FBRS: variants seen among roughly 807,000 people sequenced by gnomAD.
FBRS encodes fibrosin.
In FBRS, 15 loss-of-function variants were observed where a neutral mutation model predicts 86.1. The ratio of observed to expected loss-of-function variants is 0.17; its 90% confidence interval spans 0.12 to 0.27. FBRS has a LOEUF of 0.27. Ranked by LOEUF, FBRS falls within the 10% of genes least tolerant of loss-of-function variation. The probability of loss-of-function intolerance (pLI) is 1.00; values close to 1 mark genes in which losing one functional copy is unlikely to be tolerated. For missense variants in FBRS, 1,367 were observed against 1,301.6 expected (o/e 1.05, Z -0.77); for synonymous variants, 666 against 575.8 (o/e 1.16, Z -2.24).
Position 30,661,171 on chromosome 16 carries a change from C to T in FBRS, c.640-9C>T. 1 of 1,550,536 alleles carries T rather than the reference C, an allele frequency of 6.4e-7. No individual in the cohort carries two copies. The highest frequency in any genetic ancestry group is 2.0e-5 in the Admixed American group (1 of 50,986). ...GCCTCCCTCACCTCTGGACTCTGGT[C>T]TTCCTCAGGCGTCCTCCCGTCACTC... On this transcript the variant is annotated splice_polypyrimidine_tract_variant and intron_variant, in intron 2 of 17. Transcript: ENST00000356166.
Position 30,661,091 on chromosome 16 carries a change from G to GAGGC in FBRS, c.640-88_640-85dup, listed in dbSNP as rs1436905625. On this transcript the variant is annotated intron_variant, in intron 2 of 17. Coordinates refer to ENST00000356166, the MANE Select transcript of FBRS (RefSeq NM_001105079.3). ...AAGGAGAGGCTGAGAGTAGATCCTG[G>GAGGC]AGGCCCATGAGCGCCCTGCTGGGAG... The GAGGC allele has an allele frequency of 3.2e-6, 5 of 1,541,888 alleles. No individual in the cohort carries two copies. In the African/African-American group the frequency reaches 5.5e-5, roughly 17 times the overall value.
At chr16:30,661,003 G>A (rs1025024380) in intron 2 of FBRS, among the ~76,000 whole-genome samples, 177 bp from the exon 3 acceptor site, 1 of 152,176 alleles carries the variant, frequency 6.6e-6, no homozygotes, top group Non-Finnish European at 1.5e-5. Context: ...TGAGGACCCG[G>A]CGTATTTAGA....
chr16:30,670,402 T>A lies in FBRS; in HGVS notation c.*757T>A, dbSNP rs2052582933. The A allele has an allele frequency of 2.8e-6, 1 of 356,908 alleles. No individual in the cohort carries two copies. Among genetic ancestry groups the A allele is most frequent in the East Asian group, 7.8e-5 (1 of 12,756 alleles). 22.1% of individuals were successfully genotyped at this position (356,908 alleles called of 1,614,324 possible). On this transcript the variant is annotated 3_prime_UTR_variant, in exon 18 of 18. Coordinates refer to ENST00000356166, the MANE Select transcript of FBRS (RefSeq NM_001105079.3). The stretch of plus-strand genomic sequence containing the variant: ...TCCCCCAACATGTTCCCGTTCACTC[T>A]GCCCCCACCCCCAAAGGCTCAGCCT...
chr16:30,660,160 C>T (rs2052439260), intron 1 of FBRS, 103 bp from the exon 2 acceptor site: 2 of 1,410,794 alleles, frequency 1.4e-6, no homozygotes, highest in African/African-American at 3.0e-5. Flanking sequence ...CTCTGGGGAC[C>T]CGGTTTCCCG....
At position 30,669,231 on chromosome 16, in the gene FBRS, TGCCGCCGCC is replaced by T; in HGVS notation, c.2532_2540del (p.Ala847_Ala849del). The T allele has an allele frequency of 1.3e-6, 2 of 1,545,760 alleles. No individual in the cohort carries two copies. Among genetic ancestry groups the T allele is most frequent in the South Asian group, 1.2e-5 (1 of 84,636 alleles). On this transcript the variant is annotated inframe_deletion, in exon 18 of 18. Transcript: ENST00000356166. The surrounding 1 kb of genome is among the most constrained non-coding windows in gnomAD (Gnocchi z 5.9). ...CTGCCGCTGCTGCTGCCGCCGCCGC[TGCCGCCGCC>T]GCAGCAGCCACTGGGCCCCAGGGCC... is the stretch of plus-strand genomic sequence containing the variant.
rs2052563422 is a variant in FBRS, at chr16:30,669,206, C to T, written c.2504C>T (p.Ala835Val). Reference protein sequence around the residue: ...EERKEEAAAAAAAAAAAAAAA... With the variant: ...EERKEEAAAAVAAAAAAAAAA... ...CGGAAGGAGGAGGCTGCCGCCGCCG[C>T]TGCCGCTGCTGCTGCCGCCGCCGCT... is the stretch of plus-strand genomic sequence containing the variant. Residue 835 changes from alanine to valine, a missense_variant, in exon 18 of 18, where the codon GCT becomes GTT. Around this residue, in one of 3 missense-constraint regions of FBRS, gnomAD observed 659 missense variants for 678.8 expected, o/e 0.97. Coordinates refer to ENST00000356166, the MANE Select transcript of FBRS (RefSeq NM_001105079.3). This position sits in a 1 kb window ranked among gnomAD's most constrained non-coding sequence, Gnocchi z 5.9. 1 of 1,544,488 alleles carries T rather than the reference C, an allele frequency of 6.5e-7. No homozygotes were observed.
In FBRS at chr16:30,664,781, T is replaced by G; in HGVS notation, c.1424T>G (p.Val475Gly). 1.9e-6 allele frequency: 3 copies of G among 1,553,036 alleles called. No homozygotes were observed. In the South Asian group the frequency reaches 3.6e-5, roughly 18 times the overall value. Reference protein sequence around the residue: ...YLNAQGGPEVVGAGGSARPLA... With the variant: ...YLNAQGGPEVGGAGGSARPLA... ...AATGCCCAGGGTGGCCCTGAGGTGG[T>G]GGGGGCAGGGGGCTCGGCCCGGCCC... is the stretch of plus-strand genomic sequence containing the variant. Residue 475 changes from valine to glycine, a missense_variant, in exon 8 of 18, where the codon GTG becomes GGG. Around this residue, in one of 3 missense-constraint regions of FBRS, gnomAD observed 702 missense variants for 598.7 expected, o/e 1.17. Transcript: ENST00000356166.
In FBRS at chr16:30,668,854, G is replaced by A; in HGVS notation, c.2241G>A (p.Leu747=). ...CCCCACCGGACCCATGGGGCCGCCT[G>A]CACCGCAGTCCTCTGACCTTTCCTG... ...FASPPDPWGR[L]HRSPLTFPAW... Residue 747 remains leucine, a synonymous_variant, in exon 17 of 18, where the codon CTG becomes CTA. Transcript: ENST00000356166. 17 of 1,591,210 alleles carry A rather than the reference G, an allele frequency of 1.1e-5. No homozygotes were observed. The highest frequency in any genetic ancestry group is 1.4e-5 in the Non-Finnish European group (17 of 1,173,552).
chr16:30,669,970 C>A lies in FBRS; in HGVS notation c.*325C>A. On this transcript the variant is annotated 3_prime_UTR_variant, in exon 18 of 18. Coordinates refer to ENST00000356166, the MANE Select transcript of FBRS (RefSeq NM_001105079.3). The surrounding 1 kb of genome is among the most constrained non-coding windows in gnomAD (Gnocchi z 5.9). Reference sequence around the variant, plus strand: ...GGCCTCTAGGCCCTGGGCCTGCCTCCCCAAGGGCTCACTAAGCCAGAGGCC... The same window carrying A: ...GGCCTCTAGGCCCTGGGCCTGCCTCACCAAGGGCTCACTAAGCCAGAGGCC... 2 of 527,210 alleles carry A rather than the reference C, an allele frequency of 3.8e-6. No individual in the cohort carries two copies. Among genetic ancestry groups the A allele is most frequent in the Non-Finnish European group, 7.0e-6 (2 of 287,166 alleles). The allele number at this position is 527,210 out of a possible 1,614,324, so 32.7% of individuals were successfully genotyped here.
Position 30,664,277 on chromosome 16 carries a change from C to A in FBRS, c.1118C>A (p.Ser373Tyr). The A allele has an allele frequency of 6.7e-7, 1 of 1,490,446 alleles. No individual in the cohort carries two copies. Among genetic ancestry groups the A allele is most frequent in the Non-Finnish European group, 9.0e-7 (1 of 1,110,872 alleles). The allele number at this position is 1,490,446 out of a possible 1,614,324, so 92.3% of individuals were successfully genotyped here. A position where few individuals can be genotyped will look rare whatever the true frequency, so the allele number is the denominator to read the frequency against. The change falls in exon 7 of 18, where the codon TCC (serine) becomes TAC (tyrosine). Residue 373 changes from serine (S) to tyrosine (Y), a missense_variant. This residue lies in a region of FBRS where 702 missense variants were observed against 598.7 expected (regional missense o/e 1.17). Transcript: ENST00000356166. ...GTGGCTCAGCCTCCCCCCTCATCAT[C>A]CTCTTCGTCCTCCTCCTCCTCATCT... ...PPVAQPPPSS[S>Y]SSSSSSSSAS...
rs550605048 is a variant in FBRS at position 30,665,761 on chromosome 16, C to G, written c.1773+55C>G. 6.6e-6 allele frequency: 10 copies of G among 1,515,210 alleles called. No individual in the cohort carries two copies. The Admixed American group carries it at 1.4e-4, about 21-fold the overall frequency. 93.9% of individuals were successfully genotyped at this position (1,515,210 alleles called of 1,614,324 possible). A position where few individuals can be genotyped will look rare whatever the true frequency, so the allele number is the denominator to read the frequency against. ...GCTGGAAGGTGTGTTGCGGGGAGAA[C>G]AGAACTGACTTGAGGAGAGTGAACT... On this transcript the variant is annotated intron_variant, in intron 11 of 17. Coordinates refer to ENST00000356166, the MANE Select transcript of FBRS (RefSeq NM_001105079.3). The surrounding 1 kb of genome is among the most constrained non-coding windows in gnomAD (Gnocchi z 4.1).
Position 30,659,693 on chromosome 16 carries a change from TCGC to T in FBRS, c.186_188del (p.Pro63del), listed in dbSNP as rs778041190. 63 of 919,756 alleles carry T rather than the reference TCGC, an allele frequency of 6.8e-5. No individual in the cohort carries two copies. The highest frequency in any genetic ancestry group is 3.3e-4 in the Middle Eastern group (1 of 3,026). 57.0% of individuals were successfully genotyped at this position (919,756 alleles called of 1,614,324 possible). Reference sequence around the variant, plus strand: ...CCCGCGCGGCTCCTCGTCCTCGTCGTCGCCGCCGCCGCCCGCCAGGCCTTGGTC... The same window carrying T: ...CCCGCGCGGCTCCTCGTCCTCGTCGTCGCCGCCGCCCGCCAGGCCTTGGTC... On this transcript the variant is annotated inframe_deletion, in exon 1 of 18. Coordinates refer to ENST00000356166, the MANE Select transcript of FBRS (RefSeq NM_001105079.3).
In FBRS at chr16:30,670,306, CA is replaced by C. The variant is rs1567549088; in HGVS notation, c.*662del. ...GGTGGGGCCAGCAGGAGATGACCAA[CA>C]GGGGGCAGGACCTGGGGACCTGGGC... is the stretch of plus-strand genomic sequence containing the variant. On this transcript the variant is annotated 3_prime_UTR_variant, in exon 18 of 18. Transcript: ENST00000356166. The C allele has an allele frequency of 9.4e-6, 4 of 425,608 alleles. No individual in the cohort carries two copies. Among genetic ancestry groups the C allele is most frequent in the Non-Finnish European group, 1.9e-5 (4 of 212,472 alleles). 26.4% of individuals were successfully genotyped at this position (425,608 alleles called of 1,614,324 possible).
chr16:30,669,074 TC>T lies in FBRS; in HGVS notation c.2376del (p.Phe793SerfsTer31). On this transcript the variant is annotated frameshift_variant, in exon 18 of 18. Transcript: ENST00000356166. LOFTEE classifies it high-confidence loss of function. This position sits in a 1 kb window ranked among gnomAD's most constrained non-coding sequence, Gnocchi z 5.9. Reference protein sequence around the residue: ...SITKEEKDRDLPFSRPQLRVS... With the variant: ...SITKEEKDRDXPFSRPQLRVS... ...TCCCCACGCCTGCCCTCCAGGGACC[TC>T]CCCTTCTCACGGCCCCAGCTCCGAG... 2 of 1,485,344 alleles carry T rather than the reference TC, an allele frequency of 1.3e-6. No homozygotes were observed. The highest frequency in any genetic ancestry group is 1.8e-6 in the Non-Finnish European group (2 of 1,108,488). The allele number at this position is 1,485,344 out of a possible 1,614,324, so 92.0% of individuals were successfully genotyped here. A position where few individuals can be genotyped will look rare whatever the true frequency, so the allele number is the denominator to read the frequency against.
Position 30,662,870 on chromosome 16 carries a change from T to C in FBRS, c.1055+11T>C. The stretch of plus-strand genomic sequence containing the variant: ...CCTCAGCACTGGCAGGTGAGTGGTC[T>C]TGGGGGATTGATGCGGTCCGGAAGG... On this transcript the variant is annotated intron_variant, in intron 6 of 17. Transcript: ENST00000356166. 1 of 1,438,388 alleles carries C rather than the reference T, an allele frequency of 7.0e-7. No individual in the cohort carries two copies. The highest frequency in any genetic ancestry group is 9.2e-7 in the Non-Finnish European group (1 of 1,091,878). 89.1% of individuals were successfully genotyped at this position (1,438,388 alleles called of 1,614,324 possible).
At chr16:30,668,172 G>A (rs556010320) in intron 15 of FBRS, 12 of 225,488 alleles carry the variant, frequency 5.3e-5, no homozygotes, top group African/African-American at 2.0e-4. Flanking sequence ...GGCTTGCTGC[G>A]GAGCGGAGAT....
chr16:30,660,588 C>G (rs1255624580), intron 2 of FBRS, 146 bp downstream of exon 2: 3 of 1,232,042 alleles, frequency 2.4e-6, no homozygotes, highest in African/African-American at 1.6e-5. Context: ...CCTTACTCAT[C>G]CGGGTCTGAC....
chr16:30,667,571 A>T lies in FBRS; in HGVS notation c.2023A>T (p.Thr675Ser). The T allele has an allele frequency of 2.6e-6, 4 of 1,542,850 alleles. No homozygotes were observed. The highest frequency in any genetic ancestry group is 3.5e-6 in the Non-Finnish European group (4 of 1,142,920). The change falls in exon 15 of 18, where the codon ACG becomes TCG. Residue 675 changes from threonine to serine, a missense_variant. Thr to Ser is a moderately conservative substitution (Grantham distance 58, BLOSUM62 1). Transcript: ENST00000356166. ...CGTCCACGCTGCAGCCAACCCTTTC[A>T]CGGCAGCTCCCGGGGCCCACGGACC... Reference protein sequence around the residue: ...GAVHAAANPFTAAPGAHGPFL... With the variant: ...GAVHAAANPFSAAPGAHGPFL...
Position 30,665,087 on chromosome 16 carries a change from T to C in FBRS, c.1608+8T>C, listed in dbSNP as rs758024634. ...GGCCTTTTCCGACATAATGTGAGTG[T>C]GTGTGTGCGTGTGCGTATGGGGTGT... is the stretch of plus-strand genomic sequence containing the variant. On this transcript the variant is annotated splice_region_variant and intron_variant, in intron 9 of 17. Transcript: ENST00000356166. The surrounding 1 kb of genome is among the most constrained non-coding windows in gnomAD (Gnocchi z 4.1). The C allele has an allele frequency of 6.2e-7, 1 of 1,612,350 alleles. No homozygotes were observed. The highest frequency in any genetic ancestry group is 2.2e-5 in the East Asian group (1 of 44,878).
Sources: allele counts gnomAD v4.1 joint callset (sites outside exome capture counted in the v4.1 genomes callset), GRCh38; gene constraint gnomAD v4.1.1; regional missense constraint gnomAD v4.1.1; non-coding constraint Gnocchi (gnomAD v3.1); transcripts MANE v1.5; gene names NCBI Gene and HGNC (gene_info 2026-07-23, HGNC 2026-07-21).